FOXP1: variants seen among roughly 807,000 people sequenced by gnomAD.
The protein encoded by FOXP1 is forkhead box protein P1.
A neutral mutation model predicts 98.2 loss-of-function variants in FOXP1; 15 were observed. The ratio of observed to expected loss-of-function variants is 0.15; its 90% CI spans 0.10 to 0.24. The LOEUF is 0.24. Among genes scored for constraint, FOXP1 ranks in the 10% least tolerant of loss-of-function variants. The pLI, the probability that FOXP1 is intolerant of heterozygous loss-of-function variation, is 1.00. For missense variants in FOXP1, 633 were observed against 848.5 expected (o/e 0.75, Z 3.15); for synonymous variants, 371 against 314.5 (o/e 1.18, Z -1.90).
chr3:71,370,908 TCTC>T (rs2079264180), intron 3 of FOXP1, among the ~76,000 whole-genome samples: 1 of 150,998 alleles, frequency 6.6e-6, no homozygotes, highest in South Asian at 2.1e-4. Flanking sequence ...TTCAAGCAAT[TCTC>T]CTGTCTCAGC....
At chr3:71,502,760 A>G (rs2041491850) in intron 2 of FOXP1, among the ~76,000 whole-genome samples, 1 of 152,234 alleles carries the variant, frequency 6.6e-6, no homozygotes, top group Non-Finnish European at 1.5e-5. Context: ...ACATTCTAGA[A>G]GAAGCCAGCC....
At chr3:71,323,429 T>A (rs1359586292) in intron 4 of FOXP1, among the ~76,000 whole-genome samples, 1 of 151,974 alleles carries the variant, frequency 6.6e-6, no homozygotes, top group Non-Finnish European at 1.5e-5. Context: ...TTGGTAGACG[T>A]TTCTAAGACA....
At chr3:71,032,194 C>A (rs1559768380) in intron 11 of FOXP1, among the ~76,000 whole-genome samples, 1 of 152,254 alleles carries the variant, frequency 6.6e-6, no homozygotes. Context: ...GATGAAGACA[C>A]TGAACAAGCT....
intron 3 of FOXP1, among the ~76,000 whole-genome samples, chr3:71,428,805 T>C (rs1189155771): frequency 2.0e-5 from 3 of 152,054 alleles, no homozygotes; most frequent in Admixed American, 1.3e-4. Context: ...AAGGGGAACA[T>C]TGGAAAGAAG....
chr3:71,211,571 A>G (rs1289679821), intron 5 of FOXP1, among the ~76,000 whole-genome samples: 2 of 152,208 alleles, frequency 1.3e-5, no homozygotes, highest in African/African-American at 2.4e-5. Flanking sequence ...CCAAATTGTA[A>G]AAGTTTTATT....
At chr3:71,518,409 G>C (rs928058896) in intron 2 of FOXP1, among the ~76,000 whole-genome samples, 23 of 152,110 alleles carry the variant, frequency 1.5e-4, no homozygotes, top group African/African-American at 5.6e-4. Flanking sequence ...AGAATATATA[G>C]AAAGCACTAT....
chr3:71,459,580 T>A (rs2087822287), intron 3 of FOXP1, among the ~76,000 whole-genome samples: 1 of 152,236 alleles, frequency 6.6e-6, no homozygotes, highest in Non-Finnish European at 1.5e-5. Context: ...ATCTCCCTCT[T>A]CGTCTTGTGT....
At chr3:71,075,327 T>C (rs150462346) in intron 7 of FOXP1, among the ~76,000 whole-genome samples, 25 of 152,378 alleles carry the variant, frequency 1.6e-4, no homozygotes, top group African/African-American at 5.8e-4. Context: ...GCACTTAAAA[T>C]GCTTCCTAAT....
chr3:71,562,918 C>A (rs1297520148), intron 2 of FOXP1, among the ~76,000 whole-genome samples: 2 of 152,204 alleles, frequency 1.3e-5, no homozygotes, highest in African/African-American at 4.8e-5. Flanking sequence ...TATTCCCTCC[C>A]ACTCATGCAA....
chr3:71,524,145 A>C lies in FOXP1; in HGVS notation c.-297-30590T>G, dbSNP rs373469795. On this transcript the variant is annotated intron_variant, in intron 2 of 20. Transcript: ENST00000649528. ...TGTTTCTTGCTGAATGGCCCCAACA[A>C]ATGTTTAAAAGAAAGAATGAATGAG... is the stretch of plus-strand genomic sequence containing the variant. 1.1e-4 allele frequency among the ~76,000 whole-genome samples: 16 copies of C among 152,270 alleles called. No individual in the cohort carries two copies. In the East Asian group the frequency reaches 2.3e-3, roughly 22 times the overall value.
At position 71,198,259 on chromosome 3, in the gene FOXP1, C is replaced by G. The variant is rs201155996; in HGVS notation, c.123G>C (p.Thr41=). The change falls in exon 6 of 21, where the codon ACG becomes ACC. Residue 41 remains threonine, a synonymous_variant. Transcript: ENST00000649528. The part of the protein sequence containing the change: ...GLREGRSNGE[T]PAVDIGAADL... ...CAGCTGCCCCGATGTCCACGGCCGG[C>G]GTCTCTCCGTTGGACCGCCCCTCCC... 2 of 1,613,988 alleles carry G rather than the reference C, an allele frequency of 1.2e-6. No homozygotes were observed. Among genetic ancestry groups the G allele is most frequent in the East Asian group, 4.5e-5 (2 of 44,898 alleles).
At chr3:71,387,892 T>G (rs963398387) in intron 3 of FOXP1, among the ~76,000 whole-genome samples, 1 of 152,240 alleles carries the variant, frequency 6.6e-6, no homozygotes, top group Admixed American at 6.5e-5. Context: ...AACAAGAAAC[T>G]GACTTGGTTA....
intron 2 of FOXP1, among the ~76,000 whole-genome samples, chr3:71,544,963 C>T (rs760052261): frequency 3.3e-5 from 5 of 152,006 alleles, no homozygotes; most frequent in Non-Finnish European, 5.9e-5. Context: ...AATGTTAAGA[C>T]TGTAAAGCAA....
At chr3:71,158,937 C>T (rs2060993473) in intron 6 of FOXP1, among the ~76,000 whole-genome samples, 2 of 151,726 alleles carry the variant, frequency 1.3e-5, no homozygotes, top group Non-Finnish European at 1.5e-5. Context: ...AGACCCCTAC[C>T]TCTACAAACA....
chr3:71,345,247 G>T (rs1015196148), intron 4 of FOXP1, among the ~76,000 whole-genome samples: 1 of 151,994 alleles, frequency 6.6e-6, no homozygotes, highest in African/African-American at 2.4e-5. Context: ...AATTCGCTGG[G>T]TGTGGTGGTG....
intron 3 of FOXP1, among the ~76,000 whole-genome samples, chr3:71,366,684 T>C (rs2078952664): frequency 6.6e-6 from 1 of 152,234 alleles, no homozygotes; most frequent in Non-Finnish European, 1.5e-5. Flanking sequence ...CATTTATTAA[T>C]GGCTTTTGAC....
In FOXP1 at chr3:71,042,500, CAACT is replaced by C. The variant is rs148370277; in HGVS notation, c.665-972_665-969del. 2.9e-3 allele frequency among the ~76,000 whole-genome samples: 438 copies of C among 152,162 alleles called. 1 individual carries two copies. The highest frequency in any genetic ancestry group is 9.9e-3 in the African/African-American group (410 of 41,526). On this transcript the variant is annotated intron_variant, in intron 10 of 20. Coordinates refer to ENST00000649528, the MANE Select transcript of FOXP1 (RefSeq NM_001349338.3). ...CACAGAATAAAGATATTCTAGATGA[CAACT>C]AACAAAAACAACAACAACGACAACA...
At chr3:71,185,111 T>G (rs2062567352) in intron 6 of FOXP1, among the ~76,000 whole-genome samples, 1 of 151,980 alleles carries the variant, frequency 6.6e-6, no homozygotes, top group Admixed American at 6.6e-5. Context: ...AAGAATTGCT[T>G]GAACACGGGA....
intron 2 of FOXP1, among the ~76,000 whole-genome samples, chr3:71,565,413 GTC>G (rs2046834010): frequency 6.6e-6 from 1 of 152,126 alleles, no homozygotes; most frequent in Non-Finnish European, 1.5e-5. Context: ...GTAAGAGAGA[GTC>G]TCTGCTAAAT....
Sources: gnomAD v4.1 joint callset for allele counts (sites outside exome capture counted in the v4.1 genomes callset) on GRCh38, gnomAD v4.1.1 for gene constraint, MANE v1.5 for transcripts, NCBI Gene and HGNC (gene_info 2026-07-23, HGNC 2026-07-21) for gene names.